The following PALS1 variants were observed in gnomAD, a reference collection of about 807,000 sequenced individuals.
PALS1 encodes the protein protein associated with LIN7 1, MAGUK p55 family member, also known as protein PALS1.
Under a neutral mutation model 78.9 loss-of-function variants are expected in PALS1, and 31 were observed. That is an observed-to-expected ratio of 0.39 (90% CI 0.30 to 0.53). PALS1 has a LOEUF of 0.53. PALS1 is among the 20% of genes least tolerant of loss of function. The pLI, the probability that PALS1 is intolerant of heterozygous loss-of-function variation, is 0.67. For synonymous variants in PALS1, 276 were observed against 270.9 expected (o/e 1.02, Z -0.18); for missense variants, 704 against 826.5 (o/e 0.85, Z 1.82).
intron 4 of PALS1, among the ~76,000 whole-genome samples, chr14:67,294,076 G>C (rs1168816856): frequency 1.3e-5 from 2 of 152,110 alleles, no homozygotes; most frequent in Non-Finnish European, 2.9e-5. Context: ...TGTTAAAAAG[G>C]ACTTTAAAAA....
At chr14:67,263,958 A>C (rs149149327) in intron 1 of PALS1, among the ~76,000 whole-genome samples, 1 of 152,176 alleles carries the variant, frequency 6.6e-6, no homozygotes, top group Admixed American at 6.5e-5. Context: ...ATTCACAGGC[A>C]TGATGATAGC....
chr14:67,288,317 G>A (rs188192001), intron 3 of PALS1, among the ~76,000 whole-genome samples: 84 of 152,162 alleles, frequency 5.5e-4, no homozygotes, highest in African/African-American at 2.0e-3. Context: ...CCTGACCTCA[G>A]GTGATCTGCC....
chr14:67,301,364 A>G, intron 4 of PALS1, 25 bp from the exon 5 acceptor site: 1 of 1,554,322 alleles, frequency 6.4e-7, no homozygotes, highest in Non-Finnish European at 8.8e-7. Context: ...ATCTAGGAAG[A>G]ATAATCTTTA....
At chr14:67,324,380 ACT>A (rs1040099672) in intron 14 of PALS1, among the ~76,000 whole-genome samples, 4 of 151,988 alleles carry the variant, frequency 2.6e-5, no homozygotes, top group East Asian at 1.9e-4. Context: ...TAAGATGGTA[ACT>A]CTGTCAGGTG....
intron 14 of PALS1, among the ~76,000 whole-genome samples, chr14:67,329,696 T>C (rs1334925016): frequency 1.3e-5 from 2 of 151,994 alleles, no homozygotes; most frequent in African/African-American, 2.4e-5. Context: ...CTGGGCAACA[T>C]AGTGAAATCC....
rs2085505410 is a variant in PALS1, at chr14:67,334,800, A to ATACT, written c.*1847_*1850dup. 1 of 152,234 alleles carries ATACT rather than the reference A, an allele frequency of 6.6e-6. No individual in the cohort carries two copies. Among genetic ancestry groups the ATACT allele is most frequent in the South Asian group, 2.1e-4 (1 of 4,834 alleles). 9.4% of individuals were successfully genotyped at this position (152,234 alleles called of 1,614,324 possible). Reference sequence around the variant, plus strand: ...TTTTTAGCATTAAAAACTAAGGAATATACTTAGCACTTACTTAATCTTTTC... The same window carrying ATACT: ...TTTTTAGCATTAAAAACTAAGGAATATACTTACTTAGCACTTACTTAATCTTTTC... On this transcript the variant is annotated 3_prime_UTR_variant, in exon 15 of 15. Coordinates refer to ENST00000261681, the MANE Select transcript of PALS1 (RefSeq NM_022474.4).
At chr14:67,304,790 T>C (rs2084976818) in intron 8 of PALS1, among the ~76,000 whole-genome samples, 1 of 150,714 alleles carries the variant, frequency 6.6e-6, no homozygotes, top group South Asian at 2.1e-4. Flanking sequence ...ATATGAATTA[T>C]ATATCAATAA....
chr14:67,328,860 A>G (rs1483065547), intron 14 of PALS1, among the ~76,000 whole-genome samples: 1 of 152,162 alleles, frequency 6.6e-6, no homozygotes, highest in African/African-American at 2.4e-5. Context: ...TACCAGTAGC[A>G]TGCTGTTTTG....
At chr14:67,270,201 G>C (rs940833125) in intron 2 of PALS1, 1 of 152,104 alleles carries the variant, frequency 6.6e-6, no homozygotes, top group African/African-American at 2.4e-5. Context: ...ATTTGCACTT[G>C]TTGTGAAGCT....
chr14:67,316,416 T>C (rs183771696), intron 9 of PALS1, among the ~76,000 whole-genome samples: 200 of 152,250 alleles, frequency 1.3e-3, no homozygotes, highest in Non-Finnish European at 2.2e-3. Context: ...GAATATGGAA[T>C]TGAATATGTG....
At chr14:67,308,552 T>TG (rs907903709) in intron 8 of PALS1, among the ~76,000 whole-genome samples, 25 of 147,400 alleles carry the variant, frequency 1.7e-4, no homozygotes, top group African/African-American at 6.2e-4. Context: ...TTTTCTTTTT[T>TG]TTTTTTTTTT....
intron 8 of PALS1, among the ~76,000 whole-genome samples, chr14:67,309,900 G>C (rs921493200): frequency 6.6e-6 from 1 of 151,956 alleles, no homozygotes; most frequent in African/African-American, 2.4e-5. Context: ...AATCAAGATT[G>C]ACAAGTACTT....
In PALS1 at chr14:67,323,261, G is replaced by GTGTGTATATA. The variant is rs1429954753; in HGVS notation, c.1741-440_1741-439insGTGTATATAT. ...TGTGTGTGTGTGTGTGTGTGTGTGT[G>GTGTGTATATA]TATATATATATATGGCTTCACAGTA... On this transcript the variant is annotated intron_variant, in intron 13 of 14. Coordinates refer to ENST00000261681, the MANE Select transcript of PALS1 (RefSeq NM_022474.4). 5.7e-3 allele frequency among the ~76,000 whole-genome samples: 711 copies of GTGTGTATATA among 124,156 alleles called. 10 individuals carry two copies. The highest frequency in any genetic ancestry group is 0.018 in the African/African-American group (671 of 36,414). 81.5% of individuals were successfully genotyped at this position (124,156 alleles called of 152,430 possible). A position where few individuals can be genotyped will look rare whatever the true frequency, so the allele number is the denominator to read the frequency against.
chr14:67,243,667 A>AT lies in PALS1; in HGVS notation c.-237+2144dup, dbSNP rs967773608. ...GCCACCACGCCTGCTAATTTTTTGTATTTTTTTTTTAGTAGAGACGGGTTT... is the reference window on the plus strand; with the variant it reads ...GCCACCACGCCTGCTAATTTTTTGTATTTTTTTTTTTAGTAGAGACGGGTTT... On this transcript the variant is annotated intron_variant, in intron 1 of 14. Transcript: ENST00000261681. Among the ~76,000 whole-genome samples the AT allele has an allele frequency of 2.5e-3, 332 of 134,524 alleles. 2 individuals carry two copies. The highest frequency in any genetic ancestry group is 6.6e-3 in the South Asian group (28 of 4,218). The allele number at this position is 134,524 out of a possible 152,430, so 88.3% of individuals were successfully genotyped here.
chr14:67,272,842 A>G (rs1277557188), intron 2 of PALS1, among the ~76,000 whole-genome samples: 2 of 151,918 alleles, frequency 1.3e-5, no homozygotes, highest in African/African-American at 2.4e-5. Flanking sequence ...AATTTTTTGC[A>G]TGTTTTTGTA....
chr14:67,332,380 C>T (rs2085463737), intron 14 of PALS1, among the ~76,000 whole-genome samples: 1 of 152,132 alleles, frequency 6.6e-6, no homozygotes, highest in Admixed American at 6.5e-5. Flanking sequence ...ATTTTAGGTC[C>T]TTGCTCCAAC....
intron 4 of PALS1, chr14:67,294,471 G>T (rs770386042): frequency 6.6e-6 from 1 of 151,546 alleles, no homozygotes; most frequent in African/African-American, 2.4e-5. Flanking sequence ...GGCCTAGTGA[G>T]GTTAAGTTAA....
rs1423941028 is a variant in PALS1 at position 67,312,706 on chromosome 14, T to A, written c.1221T>A (p.Val407=). ...DEDNQPLAGL[V]PGKSFQQQRE... ...ATAATCAACCTCTAGCCGGGCTTGT[T>A]CCAGGTAAGACACAATATGGTAGAA... Residue 407 remains valine (V), a synonymous_variant, in exon 9 of 15, where the codon GTT becomes GTA. Coordinates refer to ENST00000261681, the MANE Select transcript of PALS1 (RefSeq NM_022474.4). 1 of 1,604,490 alleles carries A rather than the reference T, an allele frequency of 6.2e-7. No individual in the cohort carries two copies. The highest frequency in any genetic ancestry group is 8.5e-7 in the Non-Finnish European group (1 of 1,175,106).
chr14:67,300,558 C>T lies in PALS1; in HGVS notation c.577-831C>T, dbSNP rs139761564. Reference sequence around the variant, plus strand: ...GGCCAGGCTGGTCTCGAACTCCTGACCTCAAGTGATCTGCCTGCTTTGGCT... The same window carrying T: ...GGCCAGGCTGGTCTCGAACTCCTGATCTCAAGTGATCTGCCTGCTTTGGCT... On this transcript the variant is annotated intron_variant, in intron 4 of 14. Transcript: ENST00000261681. 2.5e-4 allele frequency among the ~76,000 whole-genome samples: 38 copies of T among 152,046 alleles called. No homozygotes were observed. In the East Asian group the frequency reaches 5.6e-3, roughly 23 times the overall value.
Sources: allele counts gnomAD v4.1 joint callset (sites outside exome capture counted in the v4.1 genomes callset), GRCh38; gene constraint gnomAD v4.1.1; transcripts MANE v1.5; gene names NCBI Gene and HGNC (gene_info 2026-07-23, HGNC 2026-07-21).